NEK11: variants seen among roughly 807,000 people sequenced by gnomAD.
The protein encoded by NEK11 is NIMA related kinase 11.
A neutral mutation model predicts 80.7 loss-of-function variants in NEK11; 72 were observed. That is an observed-to-expected ratio of 0.89 (90% CI 0.74 to 1.08). The LOEUF is 1.08. NEK11 is among the 50% of genes least tolerant of loss of function. The probability of loss-of-function intolerance (pLI) is 0.00; values close to 1 mark genes in which losing one functional copy is unlikely to be tolerated. For missense variants in NEK11, 764 were observed against 763.6 expected (o/e 1.00, Z -0.01); for synonymous variants, 251 against 260.7 (o/e 0.96, Z 0.36).
chr3:131,317,782 G>GGA (rs2096855988), intron 17 of NEK11, among the ~76,000 whole-genome samples: 1 of 130,866 alleles, frequency 7.6e-6, no homozygotes, highest in African/African-American at 3.0e-5. Flanking sequence ...AGAAGGAGGA[G>GGA]GAGGAGGAGG....
intron 17 of NEK11, among the ~76,000 whole-genome samples, chr3:131,311,496 G>A (rs55889258): frequency 0.011 from 1,644 of 152,248 alleles, 11 homozygotes; most frequent in Non-Finnish European, 0.016. Context: ...TAAGTTTTCT[G>A]GGCTTCCTCT....
chr3:131,113,874 G>A (rs1187630010), intron 5 of NEK11, among the ~76,000 whole-genome samples: 3 of 142,432 alleles, frequency 2.1e-5, no homozygotes, highest in East Asian at 2.1e-4. Context: ...TTGCACCATC[G>A]TATTCTAGCC....
intron 3 of NEK11, among the ~76,000 whole-genome samples, chr3:131,043,289 GAAGGT>G (rs2066826899): frequency 1.3e-5 from 2 of 152,196 alleles, no homozygotes; most frequent in South Asian, 4.1e-4. Flanking sequence ...GTATGCTTCA[GAAGGT>G]GGATAATAAT....
intron 4 of NEK11, among the ~76,000 whole-genome samples, chr3:131,092,576 A>G (rs889964371): frequency 6.6e-6 from 1 of 152,240 alleles, no homozygotes; most frequent in East Asian, 1.9e-4. Context: ...CACTGCATAC[A>G]TATTCCCATG....
intron 17 of NEK11, among the ~76,000 whole-genome samples, chr3:131,326,860 T>G (rs1043488680): frequency 6.6e-6 from 1 of 152,226 alleles, no homozygotes; most frequent in African/African-American, 2.4e-5. Flanking sequence ...TATTAAGAGA[T>G]GAGATTTTGG....
chr3:131,237,181 A>C (rs1430940093), intron 15 of NEK11, among the ~76,000 whole-genome samples: 1 of 152,068 alleles, frequency 6.6e-6, no homozygotes, highest in East Asian at 1.9e-4. Flanking sequence ...CTCTACAAAA[A>C]AATTTTAAAA....
chr3:131,315,956 T>C (rs72991602), intron 17 of NEK11, among the ~76,000 whole-genome samples: 23,260 of 152,148 alleles, frequency 0.15, 1,961 homozygotes, highest in South Asian at 0.23. Flanking sequence ...CAGTCTGTTA[T>C]TGATGGTATG....
intron 17 of NEK11, among the ~76,000 whole-genome samples, chr3:131,302,166 T>G (rs2096668078): frequency 6.6e-6 from 1 of 152,158 alleles, no homozygotes. Flanking sequence ...TAGTAGTCTC[T>G]GAGGATTTTT....
intron 5 of NEK11, among the ~76,000 whole-genome samples, chr3:131,127,590 T>A (rs1176645077): frequency 6.6e-6 from 1 of 152,006 alleles, no homozygotes; most frequent in Non-Finnish European, 1.5e-5. Flanking sequence ...TTCAAATCCT[T>A]GTCCAATAAT....
chr3:131,131,181 T>C (rs2084405030), intron 5 of NEK11, among the ~76,000 whole-genome samples: 2 of 152,242 alleles, frequency 1.3e-5, no homozygotes, highest in Non-Finnish European at 2.9e-5. Flanking sequence ...GTTTTTAGTT[T>C]TCTTTTCTTG....
intron 14 of NEK11, among the ~76,000 whole-genome samples, chr3:131,181,738 T>C (rs1579717618): frequency 3.6e-5 from 3 of 83,480 alleles, no homozygotes; most frequent in Middle Eastern, 0.01. Flanking sequence ...AGAGCGAGAC[T>C]CCGCCTCAAA....
At chr3:131,066,841 A>T (rs2072088216) in intron 3 of NEK11, among the ~76,000 whole-genome samples, 1 of 94,138 alleles carries the variant, frequency 1.1e-5, no homozygotes, top group African/African-American at 3.8e-5. Flanking sequence ...GACTTGTCTC[A>T]AAAAAAAAAA....
At chr3:131,254,823 C>G (rs1050183612) in intron 16 of NEK11, among the ~76,000 whole-genome samples, 1 of 152,158 alleles carries the variant, frequency 6.6e-6, no homozygotes, top group East Asian at 1.9e-4. Flanking sequence ...AGTTCAAGAC[C>G]AGCCAGGCCA....
chr3:131,312,393 A>T (rs1360404965), intron 17 of NEK11, among the ~76,000 whole-genome samples: 2 of 152,194 alleles, frequency 1.3e-5, no homozygotes, highest in Non-Finnish European at 2.9e-5. Flanking sequence ...TGAGGGTGGG[A>T]TAATCATTGT....
At position 131,151,166 on chromosome 3, in the gene NEK11, G is replaced by T. The variant is rs993388279; in HGVS notation, c.648-1222G>T. On this transcript the variant is annotated intron_variant, in intron 7 of 17. Coordinates refer to ENST00000383366, the MANE Select transcript of NEK11 (RefSeq NM_024800.5). ...GAAAGATAAATGCCTTAATTCAAGA[G>T]TCAGTTCTACCATTTACTACCTATG... Among the ~76,000 whole-genome samples the T allele has an allele frequency of 2.6e-5, 4 of 152,002 alleles. No homozygotes were observed. The South Asian group carries it at 8.3e-4, about 31-fold the overall frequency.
chr3:131,272,373 T>C (rs2096207355), intron 16 of NEK11, among the ~76,000 whole-genome samples: 1 of 151,144 alleles, frequency 6.6e-6, no homozygotes, highest in Non-Finnish European at 1.5e-5. Flanking sequence ...CTGCTCCCAG[T>C]TCCAGGGAGG....
At chr3:131,268,412 C>T (rs2096107437) in intron 16 of NEK11, among the ~76,000 whole-genome samples, 1 of 152,204 alleles carries the variant, frequency 6.6e-6, no homozygotes, top group Non-Finnish European at 1.5e-5. Flanking sequence ...ATGGATTTAT[C>T]TACCTTTGGT....
chr3:131,202,451 C>G (rs745348304), intron 14 of NEK11, among the ~76,000 whole-genome samples: 3 of 152,196 alleles, frequency 2.0e-5, no homozygotes, highest in Non-Finnish European at 4.4e-5. Context: ...ATATCCAGCA[C>G]CTGGCTCAGC....
chr3:131,134,034 T>A, intron 7 of NEK11, 78 bp downstream of exon 7: 1 of 1,250,570 alleles, frequency 8.0e-7, no homozygotes. Flanking sequence ...CTCATTTACT[T>A]ACTGCATACA....
Sources: gnomAD v4.1 joint callset for allele counts (sites outside exome capture counted in the v4.1 genomes callset) on GRCh38, gnomAD v4.1.1 for gene constraint, MANE v1.5 for transcripts, NCBI Gene and HGNC (gene_info 2026-07-23, HGNC 2026-07-21) for gene names.